Variants in MLXIP observed in about 807,000 individuals in gnomAD.
The protein encoded by MLXIP is MLX interacting protein.
Under a neutral mutation model 87.2 loss-of-function variants are expected in MLXIP, and 30 were observed. The observed-to-expected ratio is 0.34, with a 90% confidence interval of 0.26 to 0.47. The LOEUF (loss-of-function observed/expected upper bound fraction) is 0.47. Ranked by LOEUF, MLXIP falls within the 20% of genes least tolerant of loss-of-function variation. The pLI is 1.00. For missense variants in MLXIP, 1,002 were observed against 1,240.1 expected, an observed-to-expected ratio of 0.81 and a Z score of 2.88; for synonymous variants, 530 against 514.0, an observed-to-expected ratio of 1.03 and a Z score of -0.42.
chr12:122,132,793 C>G (rs1953004238), intron 8 of MLXIP: 1 of 187,898 alleles, frequency 5.3e-6, no homozygotes, highest in Non-Finnish European at 1.1e-5. Context: ...GAGTGAGGTA[C>G]CATTCTTTGT....
intron 1 of MLXIP, among the ~76,000 whole-genome samples, chr12:122,092,119 A>G (rs1952255003): frequency 6.7e-6 from 1 of 148,242 alleles, no homozygotes; most frequent in Non-Finnish European, 1.5e-5. Context: ...TTTCTTTGAG[A>G]CAGGATCTCT....
At chr12:122,128,155 C>T (rs1387562094) in intron 3 of MLXIP, 187 bp downstream of exon 3, 1 of 577,222 alleles carries the variant, frequency 1.7e-6, no homozygotes, top group East Asian at 2.9e-5. Flanking sequence ...GCTGCAGAGC[C>T]TCCCCCTTCT....
chr12:122,113,613 G>T (rs1952637686), intron 1 of MLXIP, among the ~76,000 whole-genome samples: 1 of 149,854 alleles, frequency 6.7e-6, no homozygotes, highest in Admixed American at 6.6e-5. Context: ...ATAGTCAGAT[G>T]AATATGTATT....
In MLXIP at chr12:122,127,898, A is replaced by G; in HGVS notation, c.536A>G (p.Lys179Arg). 6.2e-7 allele frequency: 1 copy of G among 1,613,812 alleles called. No individual in the cohort carries two copies. The highest frequency in any genetic ancestry group is 8.5e-7 in the Non-Finnish European group (1 of 1,179,776). Residue 179 changes from lysine (K) to arginine (R), a missense_variant, in exon 3 of 17, where the codon AAG becomes AGG. Physicochemically the swap from Lys to Arg is conservative, Grantham distance 26 (BLOSUM62 2). Coordinates refer to ENST00000319080, the MANE Select transcript of MLXIP (RefSeq NM_014938.6). ...CTCTGCTCAGATCTGGAGAAGCGCA[A>G]GAATCCTGTGTGCCACTTTGTGACA... ...AWYMQYLEKR[K>R]NPVCHFVTPL...
chr12:122,122,264 G>A (rs1289310422), intron 1 of MLXIP, among the ~76,000 whole-genome samples: 1 of 152,220 alleles, frequency 6.6e-6, no homozygotes, highest in African/African-American at 2.4e-5. Flanking sequence ...ATGAGTTAGG[G>A]GAGCAGAAGT....
At position 122,141,081 on chromosome 12, in the gene MLXIP, C is replaced by T. The variant is rs1473149382; in HGVS notation, c.2636C>T (p.Pro879Leu). 6 of 1,608,726 alleles carry T rather than the reference C, an allele frequency of 3.7e-6. No homozygotes were observed. Among genetic ancestry groups the T allele is most frequent in the East Asian group, 2.2e-5 (1 of 44,842 alleles). Residue 879 changes from proline to leucine, a missense_variant and splice_region_variant, in exon 16 of 17, where the codon CCG (proline) becomes CTG (leucine). Coordinates refer to ENST00000319080, the MANE Select transcript of MLXIP (RefSeq NM_014938.6). Reference protein sequence around the residue: ...DQHCSLPILRPMVLSTLRQLS... With the variant: ...DQHCSLPILRLMVLSTLRQLS... ...CACTGCTCCCTGCCCATCCTCAGGCCGAGTGAGTGGGGCAGTGCCAGGGTG... is the reference window on the plus strand; with the variant it reads ...CACTGCTCCCTGCCCATCCTCAGGCTGAGTGAGTGGGGCAGTGCCAGGGTG...
intron 1 of MLXIP, among the ~76,000 whole-genome samples, chr12:122,093,020 GTATA>G (rs1205545810): frequency 6.8e-6 from 1 of 146,060 alleles, no homozygotes; most frequent in African/African-American, 2.5e-5. Context: ...TGTGGTCTGT[GTATA>G]TGTATGTGTG....
At chr12:122,080,561 C>T (rs997013290) in intron 1 of MLXIP, among the ~76,000 whole-genome samples, 1 of 152,164 alleles carries the variant, frequency 6.6e-6, no homozygotes, top group African/African-American at 2.4e-5. Flanking sequence ...TGTTATGTTC[C>T]TGAAACACCC....
chr12:122,096,774 C>T (rs942201303), intron 1 of MLXIP, among the ~76,000 whole-genome samples: 8 of 152,182 alleles, frequency 5.3e-5, no homozygotes, highest in Non-Finnish European at 1.0e-4. Flanking sequence ...GCTGTGACCG[C>T]GGTGTCCCCG....
At chr12:122,105,749 C>A (rs919858907) in intron 1 of MLXIP, among the ~76,000 whole-genome samples, 1 of 151,426 alleles carries the variant, frequency 6.6e-6, no homozygotes, top group African/African-American at 2.4e-5. Context: ...CACTGCAGTC[C>A]GGCCTGGGCT....
At chr12:122,100,867 G>A (rs978473373) in intron 1 of MLXIP, among the ~76,000 whole-genome samples, 1 of 152,178 alleles carries the variant, frequency 6.6e-6, no homozygotes, top group African/African-American at 2.4e-5. Context: ...AGATAATTGT[G>A]AGATAATGGT....
chr12:122,144,420 A>G lies in MLXIP; in HGVS notation c.*2608A>G, dbSNP rs1483611328. Reference sequence around the variant, plus strand: ...AACATAACAAGACCCTGTCTCTACAAAAAAAAAAAAAAAAAAAAAAAATTT... The same window carrying G: ...AACATAACAAGACCCTGTCTCTACAGAAAAAAAAAAAAAAAAAAAAAATTT... On this transcript the variant is annotated 3_prime_UTR_variant, in exon 17 of 17. Coordinates refer to ENST00000319080, the MANE Select transcript of MLXIP (RefSeq NM_014938.6). 2 of 90,486 alleles carry G rather than the reference A, an allele frequency of 2.2e-5. No individual in the cohort carries two copies. The highest frequency in any genetic ancestry group is 4.9e-5 in the Non-Finnish European group (2 of 40,706). 5.6% of individuals were successfully genotyped at this position (90,486 alleles called of 1,614,324 possible). A position where few individuals can be genotyped will look rare whatever the true frequency, so the allele number is the denominator to read the frequency against.
chr12:122,091,771 T>C (rs1952248720), intron 1 of MLXIP, among the ~76,000 whole-genome samples: 1 of 152,102 alleles, frequency 6.6e-6, no homozygotes. Context: ...CGGTAGGGAG[T>C]AGTGGAGACT....
In MLXIP at chr12:122,134,169, G is replaced by A. The variant is rs964940366; in HGVS notation, c.1732+182G>A. On this transcript the variant is annotated intron_variant, in intron 9 of 16. Coordinates refer to ENST00000319080, the MANE Select transcript of MLXIP (RefSeq NM_014938.6). ...ATAATACATGGCCATGATCTAGTCCGTTTTCTATGCTCTATCTTTTTTGTT... is the reference window on the plus strand; with the variant it reads ...ATAATACATGGCCATGATCTAGTCCATTTTCTATGCTCTATCTTTTTTGTT... 8.3e-6 allele frequency: 6 copies of A among 719,498 alleles called. No homozygotes were observed. The East Asian group carries it at 9.3e-5, about 11-fold the overall frequency. 44.6% of individuals were successfully genotyped at this position (719,498 alleles called of 1,614,324 possible). A position where few individuals can be genotyped will look rare whatever the true frequency, so the allele number is the denominator to read the frequency against.
Position 122,144,897 on chromosome 12 carries a change from A to G in MLXIP, c.*3085A>G, listed in dbSNP as rs1297467522. 1.3e-5 allele frequency: 2 copies of G among 152,052 alleles called. No individual in the cohort carries two copies. Among genetic ancestry groups the G allele is most frequent in the Non-Finnish European group, 2.9e-5 (2 of 68,030 alleles). The allele number at this position is 152,052 out of a possible 1,614,324, so 9.4% of individuals were successfully genotyped here. ...GCAAAACCCTATCTCAAAAAAAAAA[A>G]GAAGAAAAAAATAGAAAATCCAAAA... On this transcript the variant is annotated 3_prime_UTR_variant, in exon 17 of 17. Transcript: ENST00000319080.
intron 1 of MLXIP, among the ~76,000 whole-genome samples, chr12:122,124,726 A>AT (rs997028360): frequency 2.0e-5 from 3 of 149,888 alleles, no homozygotes; most frequent in Non-Finnish European, 4.5e-5. Context: ...AATCAAAACA[A>AT]TTTTTTTTTT....
intron 1 of MLXIP, among the ~76,000 whole-genome samples, chr12:122,088,857 A>G (rs951261109): frequency 6.6e-6 from 1 of 152,092 alleles, no homozygotes; most frequent in Non-Finnish European, 1.5e-5. Flanking sequence ...ATATTCACCC[A>G]GTATTCTAGC....
At chr12:122,082,513 A>G (rs765560009) in intron 1 of MLXIP, among the ~76,000 whole-genome samples, 6 of 152,236 alleles carry the variant, frequency 3.9e-5, no homozygotes, top group Non-Finnish European at 7.3e-5. Flanking sequence ...GGCAAGTAAC[A>G]CACAAGAGGA....
At chr12:122,096,784 G>A (rs1463598253) in intron 1 of MLXIP, among the ~76,000 whole-genome samples, 2 of 152,184 alleles carry the variant, frequency 1.3e-5, no homozygotes, top group Non-Finnish European at 2.9e-5. Context: ...CGGTGTCCCC[G>A]AGGTGACTCC....
Sources: allele counts gnomAD v4.1 joint callset (sites outside exome capture counted in the v4.1 genomes callset), GRCh38; gene constraint gnomAD v4.1.1; transcripts MANE v1.5; gene names NCBI Gene and HGNC (gene_info 2026-07-23, HGNC 2026-07-21).